The following CDH12 variants were observed in gnomAD, a reference collection of about 807,000 sequenced individuals.
The protein encoded by CDH12 is cadherin-12.
In CDH12, 41 loss-of-function variants were observed where a neutral mutation model predicts 74.1. The observed-to-expected ratio is 0.55, with a 90% CI of 0.43 to 0.72. CDH12 has a LOEUF of 0.72. Among genes scored for constraint, CDH12 ranks in the 30% least tolerant of loss-of-function variants. CDH12 has a pLI of 0.00. For synonymous variants in CDH12, 399 were observed against 355.0 expected (o/e 1.12, Z -1.39); for missense variants, 945 against 977.2 (o/e 0.97, Z 0.44).
chr5:22,686,464 T>C (rs1431734849), intron 1 of CDH12, among the ~76,000 whole-genome samples: 2 of 152,218 alleles, frequency 1.3e-5, no homozygotes, highest in Admixed American at 6.5e-5. Context: ...CTAAAGGTCA[T>C]GAAGATTTAC....
At chr5:22,780,238 A>G (rs990791282) in intron 1 of CDH12, among the ~76,000 whole-genome samples, 13 of 152,098 alleles carry the variant, frequency 8.5e-5, no homozygotes, top group Admixed American at 7.2e-4. Flanking sequence ...GAAACAAACA[A>G]ATAATTAGTC....
intron 1 of CDH12, among the ~76,000 whole-genome samples, chr5:22,848,538 A>C (rs1374062847): frequency 6.6e-6 from 1 of 151,846 alleles, no homozygotes; most frequent in Non-Finnish European, 1.5e-5. Flanking sequence ...TGTTACCCAC[A>C]CCCCCATGGT....
Position 22,339,330 on chromosome 5 carries a change from A to G in CDH12, c.-333+65927T>C, listed in dbSNP as rs1739742523. On this transcript the variant is annotated intron_variant, in intron 3 of 14. Coordinates refer to ENST00000382254, the MANE Select transcript of CDH12 (RefSeq NM_004061.5). ...TTTTAGTGTTTTAAGTGTTACTTAA[A>G]TTCTCTACATCGTAATGACTTTATT... 3.9e-5 allele frequency among the ~76,000 whole-genome samples: 6 copies of G among 152,182 alleles called. No individual in the cohort carries two copies. The South Asian group carries it at 1.2e-3, about 31-fold the overall frequency.
At chr5:22,215,829 T>A (rs1416976439) in intron 3 of CDH12, among the ~76,000 whole-genome samples, 1 of 152,112 alleles carries the variant, frequency 6.6e-6, no homozygotes, top group Non-Finnish European at 1.5e-5. Flanking sequence ...TCTTTGAAAT[T>A]CTCAGACACA....
intron 6 of CDH12, among the ~76,000 whole-genome samples, chr5:21,948,555 C>T (rs1473759059): frequency 6.6e-6 from 1 of 152,050 alleles, no homozygotes; most frequent in Non-Finnish European, 1.5e-5. Flanking sequence ...ATTTTACAGG[C>T]TTATAGGCCA....
chr5:22,005,678 T>A (rs1292305240), intron 5 of CDH12, among the ~76,000 whole-genome samples: 6 of 152,130 alleles, frequency 3.9e-5, no homozygotes. Context: ...CCTTAACTTC[T>A]ATGAGAGCAG....
intron 3 of CDH12, among the ~76,000 whole-genome samples, chr5:22,305,615 C>G (rs1479005537): frequency 6.6e-6 from 1 of 152,018 alleles, no homozygotes; most frequent in African/African-American, 2.4e-5. Flanking sequence ...TGCAGGCCGC[C>G]CTAGGGAAGG....
chr5:22,440,055 A>G (rs903282243), intron 2 of CDH12, among the ~76,000 whole-genome samples: 4 of 152,118 alleles, frequency 2.6e-5, no homozygotes, highest in African/African-American at 9.7e-5. Flanking sequence ...GCTAAAACCC[A>G]TATCACATAC....
intron 1 of CDH12, among the ~76,000 whole-genome samples, chr5:22,847,334 C>T (rs751791086): frequency 3.3e-5 from 5 of 152,106 alleles, no homozygotes; most frequent in Non-Finnish European, 7.4e-5. Context: ...TTAAAACCTG[C>T]CTGCAATCAC....
At chr5:22,212,732 C>T (rs1185131160) in intron 3 of CDH12, 89 bp from the exon 4 acceptor site, 2 of 323,516 alleles carry the variant, frequency 6.2e-6, no homozygotes, top group Non-Finnish European at 8.9e-6. Flanking sequence ...GGAGATTCTC[C>T]GTGAGCGTGC....
chr5:22,150,511 A>G (rs1414090681), intron 4 of CDH12, among the ~76,000 whole-genome samples: 1 of 135,632 alleles, frequency 7.4e-6, no homozygotes, highest in Non-Finnish European at 1.6e-5. Context: ...GAACATATAT[A>G]TGTATATATA....
chr5:22,706,322 T>C (rs546467257), intron 1 of CDH12, among the ~76,000 whole-genome samples: 2 of 152,200 alleles, frequency 1.3e-5, no homozygotes, highest in Non-Finnish European at 2.9e-5. Flanking sequence ...TGCATGCTTA[T>C]GTTTTTCCAT....
At chr5:22,367,862 T>C (rs528716980) in intron 3 of CDH12, among the ~76,000 whole-genome samples, 1 of 152,328 alleles carries the variant, frequency 6.6e-6, no homozygotes, top group Admixed American at 6.5e-5. Context: ...ATTGCATTCG[T>C]ATAACAAACC....
chr5:21,947,907 C>T (rs1043120097), intron 6 of CDH12, among the ~76,000 whole-genome samples: 5 of 152,168 alleles, frequency 3.3e-5, no homozygotes, highest in African/African-American at 1.2e-4. Flanking sequence ...TACTCCAGCT[C>T]CAGCCGTGGC....
chr5:22,143,818 G>A lies in CDH12; in HGVS notation c.-186-64956C>T, dbSNP rs897095973. 3.9e-5 allele frequency: 6 copies of A among 152,206 alleles called. No homozygotes were observed. In the South Asian group the frequency reaches 6.2e-4, roughly 16 times the overall value. The allele number at this position is 152,206 out of a possible 1,614,324, so 9.4% of individuals were successfully genotyped here. A position where few individuals can be genotyped will look rare whatever the true frequency, so the allele number is the denominator to read the frequency against. On this transcript the variant is annotated intron_variant, in intron 4 of 14. Transcript: ENST00000382254. ...AACTACTTGGCATGTAAGAAATAGCGTCAGTGTCCTAATGCATATTGTGAC... is the reference window on the plus strand; with the variant it reads ...AACTACTTGGCATGTAAGAAATAGCATCAGTGTCCTAATGCATATTGTGAC...
At chr5:22,098,062 A>G (rs985055169) in intron 4 of CDH12, among the ~76,000 whole-genome samples, 2 of 152,018 alleles carry the variant, frequency 1.3e-5, no homozygotes, top group African/African-American at 4.8e-5. Context: ...CTCCCTCCAC[A>G]ATCCATTATT....
chr5:22,820,653 C>T (rs1157215699), intron 1 of CDH12, among the ~76,000 whole-genome samples: 16 of 152,012 alleles, frequency 1.1e-4, no homozygotes, highest in East Asian at 1.9e-4. Context: ...ATAAATTCCT[C>T]GACACATACA....
chr5:21,929,136 T>C (rs914372123), intron 6 of CDH12, among the ~76,000 whole-genome samples: 1 of 152,022 alleles, frequency 6.6e-6, no homozygotes, highest in African/African-American at 2.4e-5. Flanking sequence ...GAATGTACTC[T>C]ATATCAGCGG....
chr5:22,547,375 G>A (rs991635145), intron 1 of CDH12, among the ~76,000 whole-genome samples: 6 of 152,048 alleles, frequency 3.9e-5, no homozygotes, highest in East Asian at 1.9e-4. Flanking sequence ...ATGACTGGCC[G>A]GTGATTCAGA....
Sources: allele counts gnomAD v4.1 joint callset (sites outside exome capture counted in the v4.1 genomes callset), GRCh38; gene constraint gnomAD v4.1.1; transcripts MANE v1.5; gene names NCBI Gene and HGNC (gene_info 2026-07-23, HGNC 2026-07-21).